Variants in GRM1 observed in about 807,000 individuals in gnomAD.
The protein encoded by GRM1 is glutamate metabotropic receptor 1.
Under a neutral mutation model 90.9 loss-of-function variants are expected in GRM1, and 33 were observed. The ratio of observed to expected loss-of-function variants is 0.36; its 90% CI spans 0.28 to 0.49. The LOEUF is 0.49. Ranked by LOEUF, GRM1 falls within the 20% of genes least tolerant of loss-of-function variation. The pLI, the probability that GRM1 is intolerant of heterozygous loss-of-function variation, is 0.99. For missense variants in GRM1, 1,190 were observed against 1,534.3 expected (o/e 0.78, Z 3.75); for synonymous variants, 700 against 613.2 (o/e 1.14, Z -2.09).
intron 5 of GRM1, among the ~76,000 whole-genome samples, chr6:146,384,949 G>A (rs1365693620): frequency 1.3e-5 from 2 of 151,914 alleles, no homozygotes; most frequent in Non-Finnish European, 2.9e-5. Context: ...AGGCAAATGA[G>A]GCACAAAGAG....
intron 1 of GRM1, among the ~76,000 whole-genome samples, chr6:146,116,569 G>C (rs1288873960): frequency 1.3e-5 from 2 of 152,062 alleles, no homozygotes; most frequent in African/African-American, 4.8e-5. Context: ...AGTGAATTGA[G>C]TGTGTATGTG....
chr6:146,265,949 G>A (rs1013513782), intron 2 of GRM1, among the ~76,000 whole-genome samples: 8 of 152,172 alleles, frequency 5.3e-5, no homozygotes, highest in Non-Finnish European at 1.0e-4. Context: ...CCAGCACTTT[G>A]GGAGGCCGAG....
chr6:146,050,704 C>T (rs1791492707), intron 1 of GRM1, among the ~76,000 whole-genome samples: 1 of 152,054 alleles, frequency 6.6e-6, no homozygotes, highest in Non-Finnish European at 1.5e-5. Flanking sequence ...AATCTACACA[C>T]TGCCAATTAA....
In GRM1 at chr6:146,357,601, A is replaced by G; in HGVS notation, c.1509A>G (p.Gly503=). 1 of 1,613,626 alleles carries G rather than the reference A, an allele frequency of 6.2e-7. No homozygotes were observed. Among genetic ancestry groups the G allele is most frequent in the Non-Finnish European group, 8.5e-7 (1 of 1,179,538 alleles). The stretch of plus-strand genomic sequence containing the variant: ...TGCACGTTGGAACCTGGCATGAAGG[A>G]GTGCTGAACATTGATGATTACAAAA... ...DYVHVGTWHE[G]VLNIDDYKIQ... is the part of the protein sequence containing the mutation. Residue 503 remains glycine (G), a synonymous_variant, in exon 5 of 8, where the codon GGA becomes GGG. Coordinates refer to ENST00000282753, the MANE Select transcript of GRM1 (RefSeq NM_001278064.2).
rs1383218813 is a variant in GRM1 at position 146,395,344 on chromosome 6, A to G, written c.1730-3425A>G. Among the ~76,000 whole-genome samples, 4 of 152,082 alleles carry G rather than the reference A, an allele frequency of 2.6e-5. No homozygotes were observed. The East Asian group carries it at 7.7e-4, about 29-fold the overall frequency. ...ATGGTCCTTTTTAAGTTAGTTGTTG[A>G]GTCTATTTCAGAACTATTTGAAAGT... On this transcript the variant is annotated intron_variant, in intron 6 of 7. Coordinates refer to ENST00000282753, the MANE Select transcript of GRM1 (RefSeq NM_001278064.2).
Position 146,434,789 on chromosome 6 carries a change from C to A in GRM1, c.3578C>A (p.Thr1193Asn), listed in dbSNP as rs1442332771. The change falls in exon 8 of 8, where the codon ACC (threonine) becomes AAC (asparagine). Residue 1193 changes from threonine (T) to asparagine (N), a missense_variant. Thr to Asn is a moderately conservative substitution (Grantham distance 65). Transcript: ENST00000282753. ...ILRDYKQSSS[T>N]L The stretch of plus-strand genomic sequence containing the variant: ...CGGGACTACAAGCAAAGCTCTTCCA[C>A]CCTGTAAGGGGGAAGGGTCCACATA... 6.3e-7 allele frequency: 1 copy of A among 1,598,198 alleles called. No homozygotes were observed. The highest frequency in any genetic ancestry group is 1.1e-5 in the South Asian group (1 of 91,072).
chr6:146,043,811 A>ATATATATAGATATATATATATAT (rs1554260501), intron 1 of GRM1, among the ~76,000 whole-genome samples: 1 of 145,590 alleles, frequency 6.9e-6, no homozygotes, highest in African/African-American at 2.5e-5. Context: ...ATATATATAT[A>ATATATATAGATATATATATATAT]AAGGGAAGTG....
intron 3 of GRM1, among the ~76,000 whole-genome samples, chr6:146,317,093 CTT>C (rs752995864): frequency 4.6e-5 from 7 of 152,142 alleles, no homozygotes; most frequent in Non-Finnish European, 8.8e-5. Flanking sequence ...GTCTTAGTCT[CTT>C]GTTTCTTAGC....
chr6:146,134,392 G>A (rs1198920274), intron 1 of GRM1, among the ~76,000 whole-genome samples: 1 of 152,172 alleles, frequency 6.6e-6, no homozygotes, highest in Non-Finnish European at 1.5e-5. Flanking sequence ...ATATGGTACT[G>A]TATTAGTCCG....
chr6:146,265,464 T>C (rs951055294), intron 2 of GRM1, among the ~76,000 whole-genome samples: 5 of 152,254 alleles, frequency 3.3e-5, no homozygotes, highest in African/African-American at 9.6e-5. Flanking sequence ...AAATATTTTC[T>C]CCCATTCTGT....
chr6:146,206,654 T>C (rs1182309345), intron 2 of GRM1, among the ~76,000 whole-genome samples: 1 of 152,016 alleles, frequency 6.6e-6, no homozygotes, highest in East Asian at 1.9e-4. Context: ...ATTTTAGGTT[T>C]GATGGTACAT....
chr6:146,434,634 T>G lies in GRM1; in HGVS notation c.3423T>G (p.Asp1141Glu). The G allele has an allele frequency of 6.2e-7, 1 of 1,611,630 alleles. No individual in the cohort carries two copies. The highest frequency in any genetic ancestry group is 8.5e-7 in the Non-Finnish European group (1 of 1,180,010). ...LQAASKLTPD[D>E]SPALTPPSPF... Reference sequence around the variant, plus strand: ...CGGCCAGCAAACTGACCCCGGATGATTCGCCTGCGCTGACGCCTCCGTCGC... The same window carrying G: ...CGGCCAGCAAACTGACCCCGGATGAGTCGCCTGCGCTGACGCCTCCGTCGC... Residue 1141 changes from aspartate (D) to glutamate (E), a missense_variant, in exon 8 of 8, where the codon GAT (aspartate) becomes GAG (glutamate). Transcript: ENST00000282753.
chr6:146,398,571 T>C (rs1311733017), intron 6 of GRM1, among the ~76,000 whole-genome samples, 198 bp from the exon 7 acceptor site: 7 of 152,192 alleles, frequency 4.6e-5, no homozygotes, highest in Non-Finnish European at 1.0e-4. Context: ...TGTAATAAGA[T>C]TAAGTTTGGG....
rs764737559 is a variant in GRM1, at chr6:146,304,852, T to A, written c.1186+6T>A. 1.9e-6 allele frequency: 3 copies of A among 1,565,488 alleles called. No homozygotes were observed. In the African/African-American group the frequency reaches 4.1e-5, roughly 21 times the overall value. ...CTTTAAACGAATCTGCACAGGTAACTCATGTTCACAAAATAACAACTCAGA... is the reference window on the plus strand; with the variant it reads ...CTTTAAACGAATCTGCACAGGTAACACATGTTCACAAAATAACAACTCAGA... On this transcript the variant is annotated splice_donor_region_variant and intron_variant, in intron 3 of 7. Transcript: ENST00000282753.
At chr6:146,433,221 G>A (rs1307701748) in intron 7 of GRM1, among the ~76,000 whole-genome samples, 1 of 152,128 alleles carries the variant, frequency 6.6e-6, no homozygotes, top group Admixed American at 6.5e-5. Context: ...GCATTGAAAT[G>A]TTTTAAAAAA....
intron 1 of GRM1, among the ~76,000 whole-genome samples, chr6:146,041,010 C>A (rs1791080694): frequency 6.6e-6 from 1 of 151,908 alleles, no homozygotes; most frequent in Non-Finnish European, 1.5e-5. Context: ...CTTTCCTCTG[C>A]TTCATCAGTT....
At chr6:146,330,849 C>G (rs763696505) in intron 3 of GRM1, among the ~76,000 whole-genome samples, 1 of 152,100 alleles carries the variant, frequency 6.6e-6, no homozygotes, top group Non-Finnish European at 1.5e-5. Context: ...TAAGAACATG[C>G]TATGGGCTGA....
At chr6:146,115,826 T>C (rs1775721551) in intron 1 of GRM1, among the ~76,000 whole-genome samples, 1 of 152,188 alleles carries the variant, frequency 6.6e-6, no homozygotes, top group Admixed American at 6.5e-5. Flanking sequence ...TGAGATTATT[T>C]TCTTGTATTA....
At chr6:146,264,815 AC>A (rs1431114831) in intron 2 of GRM1, among the ~76,000 whole-genome samples, 12 of 152,044 alleles carry the variant, frequency 7.9e-5, no homozygotes, top group Admixed American at 6.6e-4. Flanking sequence ...TCGTTATTTC[AC>A]TTAAGATAAC....
Sources: allele counts gnomAD v4.1 joint callset (sites outside exome capture counted in the v4.1 genomes callset), GRCh38; gene constraint gnomAD v4.1.1; transcripts MANE v1.5; gene names NCBI Gene and HGNC (gene_info 2026-07-23, HGNC 2026-07-21).